Variants in YARS1 observed in about 807,000 individuals in gnomAD.
The protein encoded by YARS1 is tyrosine--tRNA ligase, cytoplasmic.
A neutral mutation model predicts 62.2 loss-of-function variants in YARS1; 36 were observed. The ratio of observed to expected loss-of-function variants is 0.58; its 90% CI spans 0.44 to 0.76. The LOEUF is 0.76. Among genes scored for constraint, YARS1 ranks in the 30% least tolerant of loss-of-function variants. The pLI is 0.00. For missense variants in YARS1, 524 were observed against 639.8 expected, an observed-to-expected ratio of 0.82 and a Z score of 1.95; for synonymous variants, 234 against 244.9, an observed-to-expected ratio of 0.96 and a Z score of 0.42.
At position 32,776,936 on chromosome 1, in the gene YARS1, C is replaced by T. The variant is rs1443385374; in HGVS notation, c.1477-845G>A. On this transcript the variant is annotated intron_variant, in intron 12 of 12. Coordinates refer to ENST00000373477, the MANE Select transcript of YARS1 (RefSeq NM_003680.4). The surrounding 1 kb of genome is among the most constrained non-coding windows in gnomAD (Gnocchi z 4.0). ...GGGCCGAGATCACGCCACCACACTC[C>T]AGCCTGGGTGACAGAGTGAGACTCC... 6.6e-6 allele frequency among the ~76,000 whole-genome samples: 1 copy of T among 151,842 alleles called. No homozygotes were observed. The highest frequency in any genetic ancestry group is 2.4e-5 in the African/African-American group (1 of 41,348).
At chr1:32,797,710 A>C in intron 5 of YARS1, 53 bp downstream of exon 5, 1 of 1,459,964 alleles carries the variant, frequency 6.8e-7, no homozygotes, top group Non-Finnish European at 9.6e-7. Flanking sequence ...CAATAAACAC[A>C]GCTGCATACC....
chr1:32,783,417 TCTC>T (rs1653123155), intron 8 of YARS1: 1 of 152,104 alleles, frequency 6.6e-6, no homozygotes, highest in African/African-American at 2.4e-5. Flanking sequence ...CTCAAGCAAT[TCTC>T]CTGCCTCAGC....
At chr1:32,804,642 G>A (rs1355458223) in intron 4 of YARS1, among the ~76,000 whole-genome samples, 1 of 151,010 alleles carries the variant, frequency 6.6e-6, no homozygotes, top group South Asian at 2.1e-4. Flanking sequence ...ACGGGGCGGC[G>A]GGGCAGAGGT....
At chr1:32,797,593 G>T in intron 5 of YARS1, 170 bp downstream of exon 5, 1 of 663,798 alleles carries the variant, frequency 1.5e-6, no homozygotes, top group Non-Finnish European at 2.7e-6. Flanking sequence ...GTTACTAACT[G>T]TGTGATATTG....
rs1273045035 is a variant in YARS1 at position 32,781,064 on chromosome 1, A to T, written c.1124T>A (p.Ile375Asn). Residue 375 changes from isoleucine (I) to asparagine (N), a missense_variant, in exon 10 of 13, where the codon ATC becomes AAC. Physicochemically the swap from Ile to Asn is moderately radical, Grantham distance 149. Transcript: ENST00000373477. ...PSRLDIRVGK[I>N]ITVEKHPDAD... ...AATGAGTACCTTCTCCACAGTGATG[A>T]TTTTCCCCACACGGATATCCAGCCG... 4 of 1,613,944 alleles carry T rather than the reference A, an allele frequency of 2.5e-6. No homozygotes were observed. The highest frequency in any genetic ancestry group is 3.4e-6 in the Non-Finnish European group (4 of 1,180,004).
intron 1 of YARS1, among the ~76,000 whole-genome samples, chr1:32,811,908 G>A (rs1638595069): frequency 6.6e-6 from 1 of 152,114 alleles, no homozygotes. Context: ...CTGTCGGAAT[G>A]GACCCCACAT....
chr1:32,781,009 C>T (rs749358747), intron 10 of YARS1, 39 bp downstream of exon 10: 7 of 1,593,456 alleles, frequency 4.4e-6, no homozygotes, highest in South Asian at 3.3e-5. Flanking sequence ...CAAACCTGAC[C>T]CCAATCTGCC....
At chr1:32,816,423 G>C (rs750596527) in intron 1 of YARS1, among the ~76,000 whole-genome samples, 2 of 152,214 alleles carry the variant, frequency 1.3e-5, no homozygotes, top group Admixed American at 6.5e-5. Context: ...AAGGTATGGG[G>C]CAGTTCTGGT....
At chr1:32,800,354 A>T (rs1214714158) in intron 4 of YARS1, among the ~76,000 whole-genome samples, 2 of 152,206 alleles carry the variant, frequency 1.3e-5, no homozygotes, top group South Asian at 4.2e-4. Context: ...CAAGCATTAT[A>T]AAGGGCTAGA....
chr1:32,811,956 G>A (rs535288349), intron 1 of YARS1, among the ~76,000 whole-genome samples: 1 of 152,146 alleles, frequency 6.6e-6, no homozygotes, highest in African/African-American at 2.4e-5. Flanking sequence ...TAAAAAACTA[G>A]TTCAGGCCAA....
intron 10 of YARS1, chr1:32,780,779 A>G: frequency 1.9e-6 from 1 of 514,704 alleles, no homozygotes; most frequent in Non-Finnish European, 3.5e-6. Context: ...GGATCAGGTG[A>G]GTCTATCAGA....
rs562344638 is a variant in YARS1, at chr1:32,789,824, A to G, written c.684+1338T>C. 2.0e-3 allele frequency among the ~76,000 whole-genome samples: 306 copies of G among 151,906 alleles called. 3 individuals are homozygous for G. The highest frequency in any genetic ancestry group is 6.1e-3 in the African/African-American group (251 of 41,456). ...AGGCTGGTCTGGAACTCCTGACCTC[A>G]GGTGATCCACCCGCCTTGGCCTCCC... On this transcript the variant is annotated intron_variant, in intron 6 of 12. Coordinates refer to ENST00000373477, the MANE Select transcript of YARS1 (RefSeq NM_003680.4).
intron 6 of YARS1, among the ~76,000 whole-genome samples, chr1:32,789,257 C>T (rs1250558332): frequency 6.6e-6 from 1 of 152,196 alleles, no homozygotes; most frequent in Non-Finnish European, 1.5e-5. Context: ...TCTTTGCAGT[C>T]TTTTCCCTTC....
chr1:32,812,029 A>AT (rs560641214), intron 1 of YARS1, among the ~76,000 whole-genome samples: 151 of 149,506 alleles, frequency 1.0e-3, no homozygotes, highest in South Asian at 4.5e-3. Context: ...ATATTTATTC[A>AT]TTTTTTTTTT....
intron 4 of YARS1, among the ~76,000 whole-genome samples, chr1:32,800,107 A>AT (rs1638239105): frequency 6.6e-6 from 1 of 151,946 alleles, no homozygotes; most frequent in African/African-American, 2.4e-5. Context: ...CAGCCTCACA[A>AT]GTAGCTGGGA....
At chr1:32,805,439 A>G (rs1638437581) in intron 4 of YARS1, among the ~76,000 whole-genome samples, 1 of 152,116 alleles carries the variant, frequency 6.6e-6, no homozygotes, top group Non-Finnish European at 1.5e-5. Context: ...GGCTGGTTTC[A>G]TCTTCTATCC....
rs376982377 is a variant in YARS1 at position 32,806,617 on chromosome 1, G to A, written c.381-6C>T. 33 of 1,614,020 alleles carry A rather than the reference G, an allele frequency of 2.0e-5. No individual in the cohort carries two copies. Among genetic ancestry groups the A allele is most frequent in the Non-Finnish European group, 2.8e-5 (33 of 1,180,026 alleles). On this transcript the variant is annotated splice_region_variant and splice_polypyrimidine_tract_variant and intron_variant, in intron 3 of 12. Transcript: ENST00000373477. ...ACACATCTAGTGTGTACTCTCTGAA[G>A]AGGAAAGGAAGAGGGGACAGCTGTA...
intron 1 of YARS1, chr1:32,816,960 C>T (rs979925039): frequency 4.9e-6 from 3 of 615,440 alleles, no homozygotes; most frequent in Admixed American, 2.8e-5. Flanking sequence ...TTGGCTCCAA[C>T]ACAAGACAAC....
rs1264241115 is a variant in YARS1 at position 32,797,790 on chromosome 1, C to G, written c.564G>C (p.Gln188His). ...KVDAQFGGID[Q>H]RKIFTFAEKY... ...TCTCTGCAAAGGTGAAAATCTTTCT[C>G]TGATCAATGCCTCCAAATTGGGCAT... Residue 188 changes from glutamine (Q) to histidine (H), a missense_variant, in exon 5 of 13, where the codon CAG (glutamine) becomes CAC (histidine). By Grantham distance (24) the Gln-to-His change is conservative. Coordinates refer to ENST00000373477, the MANE Select transcript of YARS1 (RefSeq NM_003680.4). 1.2e-6 allele frequency: 2 copies of G among 1,614,196 alleles called. No individual in the cohort carries two copies. The highest frequency in any genetic ancestry group is 1.7e-5 in the Admixed American group (1 of 60,032).
Sources: gnomAD v4.1 joint callset for allele counts (sites outside exome capture counted in the v4.1 genomes callset) on GRCh38, gnomAD v4.1.1 for gene constraint, Gnocchi (gnomAD v3.1) non-coding constraint, MANE v1.5 for transcripts, NCBI Gene and HGNC (gene_info 2026-07-23, HGNC 2026-07-21) for gene names.